Variants in CCSER2 observed in about 807,000 individuals in gnomAD.
CCSER2 encodes coiled-coil serine rich protein 2, also known as serine-rich coiled-coil domain-containing protein 2.
Under a neutral mutation model 92.3 loss-of-function variants are expected in CCSER2, and 46 were observed. The ratio of observed to expected loss-of-function variants is 0.50; its 90% CI spans 0.39 to 0.64. The LOEUF is 0.64. Among genes scored for constraint, CCSER2 ranks in the 30% least tolerant of loss-of-function variants. The pLI is 0.00. For missense variants in CCSER2, 1,244 were observed against 1,238.9 expected (o/e 1.00, Z -0.06); for synonymous variants, 433 against 431.4 (o/e 1.00, Z -0.04).
intron 1 of CCSER2, among the ~76,000 whole-genome samples, chr10:84,334,338 T>C (rs1184716137): frequency 6.6e-6 from 1 of 152,124 alleles, no homozygotes; most frequent in East Asian, 1.9e-4. Context: ...TGCTGGGGTG[T>C]GATTCAGCCT....
Position 84,514,535 on chromosome 10 carries a change from ATC to A in CCSER2, c.*269_*270del. The A allele has an allele frequency of 2.2e-6, 1 of 455,150 alleles. No homozygotes were observed. 28.2% of individuals were successfully genotyped at this position (455,150 alleles called of 1,614,324 possible). ...GCCAAAGGCCCAAATCATGTTATCC[ATC>A]CCTCTCCACGTCAGAAAATTCATAA... On this transcript the variant is annotated 3_prime_UTR_variant, in exon 10 of 10. Coordinates refer to ENST00000372088, the MANE Select transcript of CCSER2 (RefSeq NM_001284240.2).
intron 3 of CCSER2, among the ~76,000 whole-genome samples, chr10:84,385,973 TA>T (rs963545919): frequency 5.0e-4 from 75 of 150,628 alleles, no homozygotes; most frequent in African/African-American, 1.7e-3. Flanking sequence ...CCAACAAACA[TA>T]AAAAAAACTC....
intron 3 of CCSER2, among the ~76,000 whole-genome samples, chr10:84,401,088 T>C (rs12415762): frequency 0.058 from 8,865 of 152,188 alleles, 373 homozygotes; most frequent in Admixed American, 0.1. Flanking sequence ...TTTATAGTGA[T>C]GAATACTTGC....
chr10:84,348,960 CCAGT>C (rs1394113030), intron 1 of CCSER2, among the ~76,000 whole-genome samples: 2 of 151,656 alleles, frequency 1.3e-5, no homozygotes. Context: ...CATGTATTTC[CCAGT>C]CATAGGGATT....
chr10:84,354,303 C>G (rs1845037875), intron 1 of CCSER2, among the ~76,000 whole-genome samples: 1 of 150,498 alleles, frequency 6.6e-6, no homozygotes, highest in Non-Finnish European at 1.5e-5. Context: ...TGTTTCCTGA[C>G]TGTTTATCTC....
rs1431360427 is a variant in CCSER2, at chr10:84,483,977, AT to A, written c.2325+6314del. On this transcript the variant is annotated intron_variant, in intron 9 of 9. Transcript: ENST00000372088. ...TTTATATATATATATATATATATATATATATATATATATATATATAATTTTT... is the reference window on the plus strand; with the variant it reads ...TTTATATATATATATATATATATATAATATATATATATATATATAATTTTT... Among the ~76,000 whole-genome samples, 139 of 116,230 alleles carry A rather than the reference AT, an allele frequency of 1.2e-3. 5 individuals carry two copies. The highest frequency in any genetic ancestry group is 4.6e-3 in the Middle Eastern group (1 of 218). The allele number at this position is 116,230 out of a possible 152,430, so 76.3% of individuals were successfully genotyped here.
chr10:84,385,004 AAC>A lies in CCSER2; in HGVS notation c.1614+11218_1614+11219del, dbSNP rs56977232. On this transcript the variant is annotated intron_variant, in intron 3 of 9. Transcript: ENST00000372088. ...TGAGAGCTGAAATCAATTTACAATA[AAC>A]ACACACACACACACACACACACACA... is the stretch of plus-strand genomic sequence containing the variant. Among the ~76,000 whole-genome samples the A allele has an allele frequency of 3.1e-3, 450 of 145,556 alleles. 4 individuals are homozygous for A. Among genetic ancestry groups the A allele is most frequent in the African/African-American group, 8.0e-3 (315 of 39,476 alleles).
chr10:84,346,291 C>T (rs994407135), intron 1 of CCSER2, among the ~76,000 whole-genome samples: 10 of 151,922 alleles, frequency 6.6e-5, no homozygotes, highest in South Asian at 2.1e-4. Flanking sequence ...CTTGAATTCC[C>T]GACCTCAGGT....
intron 5 of CCSER2, among the ~76,000 whole-genome samples, chr10:84,435,422 G>C (rs1844047521): frequency 6.6e-6 from 1 of 152,060 alleles, no homozygotes; most frequent in South Asian, 2.1e-4. Flanking sequence ...TCATGGCGTA[G>C]CCTGCAGACC....
chr10:84,499,099 T>G (rs894281052), intron 9 of CCSER2, among the ~76,000 whole-genome samples: 1 of 152,202 alleles, frequency 6.6e-6, no homozygotes, highest in South Asian at 2.1e-4. Flanking sequence ...TTCTTTATTT[T>G]TACCTGCTAA....
intron 3 of CCSER2, among the ~76,000 whole-genome samples, chr10:84,404,855 G>T (rs1037232222): frequency 6.6e-6 from 1 of 152,126 alleles, no homozygotes; most frequent in African/African-American, 2.4e-5. Context: ...ATACTGAAGA[G>T]TATAGGGATC....
rs377101044 is a variant in CCSER2 at position 84,449,229 on chromosome 10, G to A, written c.2064+10522G>A. ...ATTTCTACTAAAAATACAAAAATTA[G>A]CCAGGCATGGTGGCGTGTGCCTGTA... On this transcript the variant is annotated intron_variant, in intron 6 of 9. Coordinates refer to ENST00000372088, the MANE Select transcript of CCSER2 (RefSeq NM_001284240.2). 4.7e-4 allele frequency among the ~76,000 whole-genome samples: 71 copies of A among 152,148 alleles called. No individual in the cohort carries two copies. The South Asian group carries it at 8.5e-3, about 18-fold the overall frequency.
At chr10:84,482,915 C>G (rs903562899) in intron 9 of CCSER2, among the ~76,000 whole-genome samples, 5 of 152,124 alleles carry the variant, frequency 3.3e-5, no homozygotes, top group Admixed American at 2.0e-4. Flanking sequence ...CTAATTTTCT[C>G]TCATATTTTT....
At chr10:84,501,806 G>GT (rs1273693963) in intron 9 of CCSER2, among the ~76,000 whole-genome samples, 1 of 33,880 alleles carries the variant, frequency 3.0e-5, no homozygotes, top group Non-Finnish European at 8.7e-5. Context: ...GAGTTTGGAT[G>GT]TATTAGTCAT....
In CCSER2 at chr10:84,498,442, CT is replaced by C. The variant is rs997979354; in HGVS notation, c.2326-14997del. Among the ~76,000 whole-genome samples, 497 of 148,774 alleles carry C rather than the reference CT, an allele frequency of 3.3e-3. 2 individuals carry two copies. The highest frequency in any genetic ancestry group is 0.01 in the African/African-American group (407 of 40,236). ...AAGATTGTTAATTTAGTTTTTGTGGCTTTTTTTTTTCCCTTCATCAACATAG... is the reference window on the plus strand; with the variant it reads ...AAGATTGTTAATTTAGTTTTTGTGGCTTTTTTTTTCCCTTCATCAACATAG... On this transcript the variant is annotated intron_variant, in intron 9 of 9. Coordinates refer to ENST00000372088, the MANE Select transcript of CCSER2 (RefSeq NM_001284240.2).
intron 3 of CCSER2, chr10:84,391,455 T>C: frequency 6.4e-7 from 1 of 1,564,446 alleles, no homozygotes; most frequent in Non-Finnish European, 8.8e-7. Context: ...TTAGGTGACC[T>C]CACAAAAGCT....
In CCSER2 at chr10:84,443,677, A is replaced by T. The variant is rs182065054; in HGVS notation, c.2064+4970A>T. Among the ~76,000 whole-genome samples the T allele has an allele frequency of 2.2e-4, 34 of 152,320 alleles. No homozygotes were observed. In the East Asian group the frequency reaches 6.6e-3, roughly 29 times the overall value. On this transcript the variant is annotated intron_variant, in intron 6 of 9. Transcript: ENST00000372088. ...AAAGGATTATAAATCATTTTACTATAAAGACACATGCACACGTATGTTTAT... is the reference window on the plus strand; with the variant it reads ...AAAGGATTATAAATCATTTTACTATTAAGACACATGCACACGTATGTTTAT...
intron 3 of CCSER2, among the ~76,000 whole-genome samples, chr10:84,400,158 A>G (rs547843081): frequency 6.6e-6 from 1 of 152,212 alleles, no homozygotes; most frequent in East Asian, 1.9e-4. Flanking sequence ...GTGAATTGCA[A>G]ATATTTTCTC....
chr10:84,400,204 T>C (rs930619177), intron 3 of CCSER2, among the ~76,000 whole-genome samples: 1 of 152,206 alleles, frequency 6.6e-6, no homozygotes, highest in African/African-American at 2.4e-5. Flanking sequence ...TCCTTTGATA[T>C]ACAAGTTTTT....
Sources: gnomAD v4.1 joint callset for allele counts (sites outside exome capture counted in the v4.1 genomes callset) on GRCh38, gnomAD v4.1.1 for gene constraint, MANE v1.5 for transcripts, NCBI Gene and HGNC (gene_info 2026-07-23, HGNC 2026-07-21) for gene names.